HDAC8: variants seen among roughly 807,000 people sequenced by gnomAD.
The protein encoded by HDAC8 is histone deacetylase-like 1.
A neutral mutation model predicts 32.2 loss-of-function variants in HDAC8; 1 was observed. The ratio of observed to expected loss-of-function variants is 0.03; its 90% confidence interval spans 0.01 to 0.15. The LOEUF is 0.15. HDAC8 is among the 10% of genes least tolerant of loss of function. The pLI is 1.00. For missense variants in HDAC8, 117 were observed against 300.0 expected (o/e 0.39, Z 4.51); for synonymous variants, 108 against 113.9 (o/e 0.95, Z 0.33).
At chrX:72,533,179 GTTTA>G (rs2050406570) in intron 4 of HDAC8, among the ~76,000 whole-genome samples, 1 of 111,585 alleles carries the variant, frequency 9.0e-6, no homozygotes, top group African/African-American at 3.3e-5. Flanking sequence ...GATGTGTGGG[GTTTA>G]TTTGTCAATT....
rs182641846 is a variant in HDAC8 at position 72,471,739 on chromosome X, C to T, written c.738-7008G>A. ...GAGTTGTAAGAGTTCTTAAAATATTCTAAATATGTCTCTTATCAGACACAT... is the reference window on the plus strand; with the variant it reads ...GAGTTGTAAGAGTTCTTAAAATATTTTAAATATGTCTCTTATCAGACACAT... On this transcript the variant is annotated intron_variant, in intron 7 of 10. Transcript: ENST00000373573. 8.6e-3 allele frequency among the ~76,000 whole-genome samples: 966 copies of T among 112,101 alleles called. 6 individuals are homozygous for T. The highest frequency in any genetic ancestry group is 0.013 in the Non-Finnish European group (713 of 53,165).
At chrX:72,554,383 G>A (rs1464130804) in intron 4 of HDAC8, among the ~76,000 whole-genome samples, 1 of 110,232 alleles carries the variant, frequency 9.1e-6, no homozygotes, top group Non-Finnish European at 1.9e-5. Flanking sequence ...CCAAACAACT[G>A]TAAGTTGGCT....
intron 9 of HDAC8, among the ~76,000 whole-genome samples, chrX:72,382,503 A>T (rs1277641103): frequency 1.8e-5 from 2 of 112,423 alleles, no homozygotes; most frequent in African/African-American, 6.5e-5. Context: ...AAATGTAGGA[A>T]ACGCTGTGAT....
At chrX:72,467,191 C>CACAG (rs1350862236) in intron 7 of HDAC8, 3 of 110,311 alleles carry the variant, frequency 2.7e-5, no homozygotes, top group Non-Finnish European at 5.7e-5. Context: ...CACACACACA[C>CACAG]ACACACACAC....
chrX:72,514,949 A>C (rs2049738169), intron 4 of HDAC8, among the ~76,000 whole-genome samples: 1 of 111,707 alleles, frequency 9.0e-6, no homozygotes. Context: ...ATATATATTC[A>C]GGGTATACAA....
At chrX:72,333,332 C>T (rs781837557) in intron 10 of HDAC8, among the ~76,000 whole-genome samples, 170 of 112,011 alleles carry the variant, frequency 1.5e-3, no homozygotes, top group African/African-American at 5.4e-3. Flanking sequence ...ATCTGGTCCT[C>T]CTGCTTCTAG....
intron 9 of HDAC8, among the ~76,000 whole-genome samples, chrX:72,428,072 T>G: frequency 8.9e-6 from 1 of 112,430 alleles, no homozygotes. Flanking sequence ...ATTCCATGTC[T>G]CTGGCCCCCC....
intron 4 of HDAC8, among the ~76,000 whole-genome samples, chrX:72,547,484 C>G (rs1483766772): frequency 9.1e-6 from 1 of 109,560 alleles, no homozygotes; most frequent in Non-Finnish European, 1.9e-5. Flanking sequence ...TTCACCACCA[C>G]TTGATATACT....
chrX:72,449,449 G>C (rs2047514341), intron 9 of HDAC8, among the ~76,000 whole-genome samples: 1 of 110,616 alleles, frequency 9.0e-6, no homozygotes, highest in African/African-American at 3.3e-5. Flanking sequence ...CTAGGGGAGG[G>C]AGAGCATTAG....
chrX:72,502,882 C>CGAT (rs1556016965), intron 4 of HDAC8, among the ~76,000 whole-genome samples: 1 of 110,738 alleles, frequency 9.0e-6, no homozygotes, highest in Admixed American at 9.6e-5. Context: ...GCTGAGATCA[C>CGAT]GCCACTGCAC....
At chrX:72,432,938 T>C (rs2046858395) in intron 9 of HDAC8, among the ~76,000 whole-genome samples, 1 of 111,753 alleles carries the variant, frequency 8.9e-6, no homozygotes, top group East Asian at 2.8e-4. Context: ...ATATAAACTT[T>C]ATTTTTGGCC....
intron 4 of HDAC8, among the ~76,000 whole-genome samples, chrX:72,532,035 C>T (rs1391094537): frequency 9.0e-6 from 1 of 111,657 alleles, no homozygotes; most frequent in Non-Finnish European, 1.9e-5. Context: ...TTTGGAGGAA[C>T]TACATAGCTG....
chrX:72,563,180 C>A (rs2051645432), intron 4 of HDAC8, among the ~76,000 whole-genome samples: 1 of 111,736 alleles, frequency 8.9e-6, no homozygotes, highest in South Asian at 3.8e-4. Context: ...CTGCACCCAG[C>A]CAAGACCTGC....
chrX:72,467,861 C>A, intron 7 of HDAC8: 1 of 857,593 alleles, frequency 1.2e-6, no homozygotes, highest in Non-Finnish European at 1.6e-6. Flanking sequence ...CAGAGTGACA[C>A]ACAAGAAAAG....
At chrX:72,436,775 T>C (rs2046962717) in intron 9 of HDAC8, among the ~76,000 whole-genome samples, 1 of 111,029 alleles carries the variant, frequency 9.0e-6, no homozygotes, top group South Asian at 3.9e-4. Context: ...TTGATATGTG[T>C]AGAGGACACA....
At position 72,568,115 on chromosome X, in the gene HDAC8, T is replaced by C. The variant is rs1603241944; in HGVS notation, c.296-85A>G. The stretch of plus-strand genomic sequence containing the variant: ...GTTGAGGTGTGACAACAACCTAACC[T>C]ACTAAAAAGCCACTGTGCTAATATC... On this transcript the variant is annotated intron_variant, in intron 3 of 10. Transcript: ENST00000373573. The C allele has an allele frequency of 3.1e-5, 26 of 843,362 alleles. No individual in the cohort carries two copies. In the East Asian group the frequency reaches 8.0e-4, roughly 26 times the overall value. 69.5% of individuals were successfully genotyped at this position (843,362 alleles called of 1,213,427 possible).
At chrX:72,452,630 G>C (rs2047601062) in intron 9 of HDAC8, among the ~76,000 whole-genome samples, 1 of 111,567 alleles carries the variant, frequency 9.0e-6, no homozygotes, top group Non-Finnish European at 1.9e-5. Flanking sequence ...GGCTAGTCAA[G>C]ACCTACTCTA....
intron 9 of HDAC8, among the ~76,000 whole-genome samples, chrX:72,413,110 TG>T (rs1197558973): frequency 4.4e-5 from 4 of 90,303 alleles, no homozygotes; most frequent in East Asian, 7.8e-4. Flanking sequence ...TCTGTGTAAC[TG>T]GTTTTTTTTT....
intron 9 of HDAC8, among the ~76,000 whole-genome samples, chrX:72,423,090 C>CT (rs1219796788): frequency 1.8e-5 from 2 of 111,506 alleles, no homozygotes; most frequent in Non-Finnish European, 3.8e-5. Context: ...AAAATTATAA[C>CT]TTTTTTTTAA....
Sources: gnomAD v4.1 joint callset for allele counts (sites outside exome capture counted in the v4.1 genomes callset) on GRCh38, gnomAD v4.1.1 for gene constraint, MANE v1.5 for transcripts, NCBI Gene and HGNC (gene_info 2026-07-23, HGNC 2026-07-21) for gene names.